Variants in CIMIP6 observed in about 807,000 individuals in gnomAD.
CIMIP6 encodes the protein uncharacterized protein C2orf73.
chr2:54,375,259 TAATA>T, the CIMIP6 span, among the ~76,000 whole-genome samples: 240 of 152,316 alleles, frequency 1.6e-3, 1 homozygote, highest in African/African-American at 5.5e-3. Context: ...TTAATATTCC[TAATA>T]TATAAAGATA....
chr2:54,339,764 A>T, the CIMIP6 span: 2 of 77,420 alleles, frequency 2.6e-5, 1 homozygote, highest in Non-Finnish European at 6.6e-5. Flanking sequence ...TGTTCCACAG[A>T]TGACCACCAC....
At chr2:54,355,845 A>T in the CIMIP6 span, among the ~76,000 whole-genome samples, 1 of 151,928 alleles carries the variant, frequency 6.6e-6, no homozygotes, top group Non-Finnish European at 1.5e-5. Context: ...GCTTATTTTA[A>T]ATTCTTGGTA....
the CIMIP6 span, among the ~76,000 whole-genome samples, chr2:54,352,024 A>G: frequency 6.6e-6 from 1 of 152,146 alleles, no homozygotes; most frequent in Non-Finnish European, 1.5e-5. Flanking sequence ...AAACCTTGTA[A>G]ATCTAATAAA....
chr2:54,368,280 T>C, the CIMIP6 span, among the ~76,000 whole-genome samples: 1 of 151,786 alleles, frequency 6.6e-6, no homozygotes, highest in Non-Finnish European at 1.5e-5. Context: ...TCAATAAAGT[T>C]AAAATTTCTT....
At chr2:54,342,573 A>G in the CIMIP6 span, among the ~76,000 whole-genome samples, 1 of 151,048 alleles carries the variant, frequency 6.6e-6, no homozygotes, top group Non-Finnish European at 1.5e-5. Flanking sequence ...TTTAGAAACT[A>G]AGCTCATTTG....
chr2:54,341,946 C>A, the CIMIP6 span, among the ~76,000 whole-genome samples: 1 of 152,196 alleles, frequency 6.6e-6, no homozygotes, highest in East Asian at 1.9e-4. Context: ...GTAATCTGTT[C>A]TAGAATTTTC....
At chr2:54,353,783 C>G in the CIMIP6 span, among the ~76,000 whole-genome samples, 1 of 152,036 alleles carries the variant, frequency 6.6e-6, no homozygotes, top group Non-Finnish European at 1.5e-5. Context: ...CATTAGTTCC[C>G]ACGTTACAAA....
At chr2:54,375,942 C>T in the CIMIP6 span, among the ~76,000 whole-genome samples, 1 of 151,790 alleles carries the variant, frequency 6.6e-6, no homozygotes, top group Non-Finnish European at 1.5e-5. Context: ...ATGTGACTAT[C>T]CCTGGAAAGT....
At chr2:54,343,730 G>C in the CIMIP6 span, 1 of 1,592,034 alleles carries the variant, frequency 6.3e-7, no homozygotes, top group Non-Finnish European at 8.5e-7. Flanking sequence ...GGTGACTGGT[G>C]GTCACATGGT....
At chr2:54,341,620 G>A in the CIMIP6 span, among the ~76,000 whole-genome samples, 1 of 152,198 alleles carries the variant, frequency 6.6e-6, no homozygotes, top group South Asian at 2.1e-4. Context: ...CAGCAGTGCA[G>A]CACAGAAATT....
the CIMIP6 span, among the ~76,000 whole-genome samples, chr2:54,348,086 A>C: frequency 2.6e-5 from 4 of 152,226 alleles, no homozygotes; most frequent in African/African-American, 7.2e-5. Flanking sequence ...TGAATTTGCC[A>C]TGTTTAACTG....
chr2:54,379,216 G>A, the CIMIP6 span, among the ~76,000 whole-genome samples: 1 of 152,168 alleles, frequency 6.6e-6, no homozygotes, highest in Non-Finnish European at 1.5e-5. Flanking sequence ...GGCCTGATCC[G>A]CTGTGACTGA....
At chr2:54,351,725 G>T in the CIMIP6 span, among the ~76,000 whole-genome samples, 5 of 152,198 alleles carry the variant, frequency 3.3e-5, no homozygotes, top group East Asian at 7.7e-4. Context: ...CATGAGACAA[G>T]CTTACCTATA....
At chr2:54,363,724 C>T in the CIMIP6 span, among the ~76,000 whole-genome samples, 1 of 152,134 alleles carries the variant, frequency 6.6e-6, no homozygotes. Context: ...TATTTATCTA[C>T]ATTTTATGGA....
chr2:54,374,748 G>A, the CIMIP6 span, among the ~76,000 whole-genome samples: 4 of 152,120 alleles, frequency 2.6e-5, no homozygotes, highest in African/African-American at 4.8e-5. Flanking sequence ...AAAAATAAAG[G>A]CAGAATCAGC....
At chr2:54,343,977 T>G in the CIMIP6 span, 1 of 1,063,836 alleles carries the variant, frequency 9.4e-7, no homozygotes, top group Non-Finnish European at 1.3e-6. Flanking sequence ...TAATTACTTC[T>G]CTATGAAGTT....
the CIMIP6 span, among the ~76,000 whole-genome samples, chr2:54,345,554 T>C: frequency 1.3e-5 from 2 of 152,338 alleles, no homozygotes; most frequent in Middle Eastern, 3.4e-3. Context: ...ATATAGTCAA[T>C]ATGCCAGAGT....
At chr2:54,356,725 G>A in the CIMIP6 span, among the ~76,000 whole-genome samples, 1 of 152,168 alleles carries the variant, frequency 6.6e-6, no homozygotes, top group South Asian at 2.1e-4. Context: ...CTTCATTTTA[G>A]AGAGGAGGAA....
chr2:54,373,283 G>A, the CIMIP6 span, among the ~76,000 whole-genome samples: 7 of 151,920 alleles, frequency 4.6e-5, no homozygotes, highest in African/African-American at 9.7e-5. Flanking sequence ...AACCTGCCGC[G>A]CATGCTTGTG....
Sources: allele counts gnomAD v4.1 joint callset (sites outside exome capture counted in the v4.1 genomes callset), GRCh38; gene constraint gnomAD v4.1.1; transcripts MANE v1.5; gene names NCBI Gene and HGNC (gene_info 2026-07-23, HGNC 2026-07-21).